Variants in LSM4 observed in about 807,000 individuals in gnomAD.
LSM4 encodes the protein LSM4 homolog, U6 small nuclear RNA and mRNA degradation associated, also known as U6 snRNA-associated Sm-like protein LSm4.
In LSM4, 15 loss-of-function variants were observed where a neutral mutation model predicts 22.3. The observed-to-expected ratio is 0.67, with a 90% confidence interval of 0.45 to 1.03. The LOEUF (loss-of-function observed/expected upper bound fraction) is 1.03, where lower values mean the gene tolerates loss of function less well. Among genes scored for constraint, LSM4 ranks in the 50% least tolerant of loss-of-function variants. The pLI is 0.00. For missense variants in LSM4, 127 were observed against 198.0 expected (o/e 0.64, Z 2.15); for synonymous variants, 90 against 79.8 (o/e 1.13, Z -0.68).
rs544694100 is a variant in LSM4, at chr19:18,310,125, C to G, written c.145-264G>C. On this transcript the variant is annotated intron_variant, in intron 3 of 4. Coordinates refer to ENST00000593829, the MANE Select transcript of LSM4 (RefSeq NM_012321.5). ...GTGCACTCACAAGGAAGACTGGCTC[C>G]TATCCTCTGCCCGTGGGCCTGGCTC... is the stretch of plus-strand genomic sequence containing the variant. The G allele has an allele frequency of 4.5e-5, 22 of 490,896 alleles. 1 individual carries two copies. Among genetic ancestry groups the G allele is most frequent in the African/African-American group, 4.3e-4 (21 of 49,342 alleles). 30.4% of individuals were successfully genotyped at this position (490,896 alleles called of 1,614,324 possible). A position where few individuals can be genotyped will look rare whatever the true frequency, so the allele number is the denominator to read the frequency against.
chr19:18,320,212 A>G (rs1370950105), intron 1 of LSM4, among the ~76,000 whole-genome samples: 1 of 152,236 alleles, frequency 6.6e-6, no homozygotes, highest in African/African-American at 2.4e-5. Context: ...AAGATACATC[A>G]AAGTGCCAGG....
At position 18,316,235 on chromosome 19, in the gene LSM4, G is replaced by A; in HGVS notation, c.4-170C>T. 1.1e-5 allele frequency: 6 copies of A among 555,330 alleles called. No homozygotes were observed. In the South Asian group the frequency reaches 1.4e-4, roughly 13 times the overall value. The allele number at this position is 555,330 out of a possible 1,614,324, so 34.4% of individuals were successfully genotyped here. ...CCATTTCCTCACTCTGCCCAGCCCT[G>A]GAACACACACCTGCCTCTCAGATTA... On this transcript the variant is annotated intron_variant, in intron 1 of 4. Coordinates refer to ENST00000593829, the MANE Select transcript of LSM4 (RefSeq NM_012321.5).
chr19:18,310,374 C>T (rs981841891), intron 3 of LSM4, among the ~76,000 whole-genome samples: 9 of 152,194 alleles, frequency 5.9e-5, no homozygotes, highest in Non-Finnish European at 1.0e-4. Flanking sequence ...ACAGGGCCTG[C>T]GCTGGGTGCA....
intron 1 of LSM4, among the ~76,000 whole-genome samples, chr19:18,316,549 T>C (rs906915985): frequency 1.3e-5 from 2 of 152,036 alleles, no homozygotes; most frequent in Non-Finnish European, 2.9e-5. Context: ...GGTTTCACCA[T>C]GTTGGCCAGG....
rs1369813008 is a variant in LSM4, at chr19:18,309,850, C to T, written c.156G>A (p.Lys52=). The T allele has an allele frequency of 6.2e-7, 1 of 1,613,594 alleles. No homozygotes were observed. The highest frequency in any genetic ancestry group is 1.3e-5 in the African/African-American group (1 of 74,914). Residue 52 remains lysine, a synonymous_variant, in exon 4 of 5, where the codon AAG becomes AAA. Coordinates refer to ENST00000593829, the MANE Select transcript of LSM4 (RefSeq NM_012321.5). The part of the protein sequence containing the change: ...EVICTSRDGD[K]FWRMPECYIR... ...TGTAGCACTCGGGCATCCGCCAGAA[C>T]TTGTCCCCGTCCTGCGGAGAAGGGG...
In LSM4 at chr19:18,323,075, C is replaced by T; in HGVS notation, c.-55G>A. ...ACTTCCGCCGCCGCCGCTGCACACG[C>T]TCCCGGCGGTCGTCGCCGCGCCGCG... On this transcript the variant is annotated 5_prime_UTR_variant, in exon 1 of 5. Coordinates refer to ENST00000593829, the MANE Select transcript of LSM4 (RefSeq NM_012321.5). The T allele has an allele frequency of 6.9e-7, 1 of 1,445,332 alleles. No individual in the cohort carries two copies. The highest frequency in any genetic ancestry group is 2.4e-4 in the Middle Eastern group (1 of 4,114). 89.5% of individuals were successfully genotyped at this position (1,445,332 alleles called of 1,614,324 possible).
chr19:18,309,308 T>G (rs893938392), intron 4 of LSM4: 1 of 238,038 alleles, frequency 4.2e-6, no homozygotes. Context: ...TGGAATTTTA[T>G]GCCAATTCAT....
intron 1 of LSM4, among the ~76,000 whole-genome samples, chr19:18,317,699 ATTTT>A: frequency 6.8e-6 from 1 of 147,378 alleles, no homozygotes; most frequent in East Asian, 2.0e-4. Context: ...AACTTTCAAG[ATTTT>A]TTTTTTTGAT....
intron 1 of LSM4, 46 bp from the exon 2 acceptor site, chr19:18,316,111 C>T (rs770665734): frequency 1.3e-6 from 2 of 1,593,326 alleles, no homozygotes; most frequent in Middle Eastern, 1.7e-4. Context: ...TGACCAGCGC[C>T]TGGGAGCTCT....
chr19:18,319,673 C>T (rs968267830), intron 1 of LSM4, among the ~76,000 whole-genome samples: 15 of 152,196 alleles, frequency 9.9e-5, no homozygotes, highest in Non-Finnish European at 2.2e-4. Flanking sequence ...CCACACTGGC[C>T]GCCACACCCA....
At chr19:18,316,761 CA>C (rs990187940) in intron 1 of LSM4, among the ~76,000 whole-genome samples, 10 of 152,028 alleles carry the variant, frequency 6.6e-5, no homozygotes, top group Non-Finnish European at 1.0e-4. Context: ...GGAACTTGCC[CA>C]GTACTATGGC....
intron 4 of LSM4, among the ~76,000 whole-genome samples, 192 bp from the exon 5 acceptor site, chr19:18,307,747 G>A (rs930775901): frequency 6.6e-6 from 1 of 151,506 alleles, no homozygotes; most frequent in East Asian, 1.9e-4. Flanking sequence ...GAACTCCAGG[G>A]CATCCTCATT....
chr19:18,321,014 C>T lies in LSM4; in HGVS notation c.3+2004G>A, dbSNP rs556021945. On this transcript the variant is annotated intron_variant, in intron 1 of 4. Coordinates refer to ENST00000593829, the MANE Select transcript of LSM4 (RefSeq NM_012321.5). ...AGGAAGCTGTCCAGGACTGCCCATC[C>T]CCGCTGCTAACCTAGGCCACTCCTT... Among the ~76,000 whole-genome samples the T allele has an allele frequency of 2.0e-5, 3 of 152,320 alleles. No individual in the cohort carries two copies. In the East Asian group the frequency reaches 5.8e-4, roughly 29 times the overall value.
intron 1 of LSM4, among the ~76,000 whole-genome samples, chr19:18,316,837 A>C (rs1356508099): frequency 1.3e-5 from 2 of 152,180 alleles, no homozygotes; most frequent in African/African-American, 4.8e-5. Flanking sequence ...CATGCCTTGC[A>C]GGGCAGCCCC....
At chr19:18,322,159 TG>T (rs985604430) in intron 1 of LSM4, among the ~76,000 whole-genome samples, 39 of 152,280 alleles carry the variant, frequency 2.6e-4, no homozygotes, top group African/African-American at 9.4e-4. Context: ...CAGCCACCCC[TG>T]GGGGACCCTC....
At chr19:18,310,394 G>A (rs529706428) in intron 3 of LSM4, among the ~76,000 whole-genome samples, 13 of 152,330 alleles carry the variant, frequency 8.5e-5, no homozygotes, top group African/African-American at 2.6e-4. Context: ...AGGGACATGC[G>A]AGCAAGCTAC....
At chr19:18,314,543 C>T (rs1433464332) in intron 2 of LSM4, among the ~76,000 whole-genome samples, 1 of 151,940 alleles carries the variant, frequency 6.6e-6, no homozygotes, top group Non-Finnish European at 1.5e-5. Flanking sequence ...TAAGTATCCG[C>T]TCCACGGAGT....
intron 3 of LSM4, 175 bp from the exon 4 acceptor site, chr19:18,310,036 G>A (rs1244350765): frequency 1.7e-6 from 1 of 605,248 alleles, no homozygotes; most frequent in Non-Finnish European, 2.8e-6. Context: ...GGCAGGATCT[G>A]TCCTGACCCC....
chr19:18,313,277 T>A (rs1970318354), intron 2 of LSM4, among the ~76,000 whole-genome samples: 1 of 151,892 alleles, frequency 6.6e-6, no homozygotes. Flanking sequence ...CACAGAAATG[T>A]TTAAAGGAAT....
Sources: gnomAD v4.1 joint callset for allele counts (sites outside exome capture counted in the v4.1 genomes callset) on GRCh38, gnomAD v4.1.1 for gene constraint, MANE v1.5 for transcripts, NCBI Gene and HGNC (gene_info 2026-07-23, HGNC 2026-07-21) for gene names.